The following NLRX1 variants were observed in gnomAD, a reference collection of about 807,000 sequenced individuals.
The protein encoded by NLRX1 is NLR family member X1.
NLRX1 carries 67 observed loss-of-function variants against 74.2 expected under a neutral mutation model. That is an observed-to-expected ratio of 0.90 (90% CI 0.74 to 1.11). The LOEUF is 1.11. NLRX1 is among the 50% of genes least tolerant of loss of function. NLRX1 has a pLI of 0.00. For synonymous variants in NLRX1, 506 were observed against 559.1 expected, an observed-to-expected ratio of 0.91 and a Z score of 1.34; for missense variants, 1,191 against 1,305.4, an observed-to-expected ratio of 0.91 and a Z score of 1.35.
chr11:119,180,970 G>A (rs1390311421), intron 7 of NLRX1, among the ~76,000 whole-genome samples: 1 of 152,132 alleles, frequency 6.6e-6, no homozygotes, highest in African/African-American at 2.4e-5. Context: ...GAGCCCAGGA[G>A]TCTGAGGCTG....
Position 119,180,129 on chromosome 11 carries a change from T to C in NLRX1, c.2108T>C (p.Leu703Pro), listed in dbSNP as rs752216780. The C allele has an allele frequency of 3.1e-6, 5 of 1,613,106 alleles. No homozygotes were observed. The Admixed American group carries it at 8.3e-5, about 27-fold the overall frequency. Residue 703 changes from leucine to proline, a missense_variant, in exon 7 of 10, where the codon CTG becomes CCG. Coordinates refer to ENST00000409109, the MANE Select transcript of NLRX1 (RefSeq NM_001282144.2). ...EVLSSLRQLN[L>P]AGVRMTPVKC... is the part of the protein sequence containing the mutation. The stretch of plus-strand genomic sequence containing the variant: ...CTCAGCTCCCTGCGTCAGCTCAACC[T>C]GGCAGGTGTGCGCATGACACCAGTC...
In NLRX1 at chr11:119,174,010, C is replaced by T. The variant is rs896014923; in HGVS notation, c.761C>T (p.Ala254Val). ...LEHLNLDFRL[A>V]GTGLCSDPEE... ...CATCTCAACCTCGACTTCCGGCTGGCAGGCACGGGACTTTGTAGTGACCCG... is the reference window on the plus strand; with the variant it reads ...CATCTCAACCTCGACTTCCGGCTGGTAGGCACGGGACTTTGTAGTGACCCG... Residue 254 changes from alanine (A) to valine (V), a missense_variant, in exon 5 of 10, where the codon GCA (alanine) becomes GTA (valine). By Grantham distance (64) the Ala-to-Val change is moderately conservative. Transcript: ENST00000409109. 6.2e-7 allele frequency: 1 copy of T among 1,614,196 alleles called. No individual in the cohort carries two copies. The highest frequency in any genetic ancestry group is 8.5e-7 in the Non-Finnish European group (1 of 1,180,038).
Position 119,175,134 on chromosome 11 carries a change from C to T in NLRX1, c.1531C>T (p.Arg511Cys), listed in dbSNP as rs200732107. ...LAALYIVLGL[R>C]KTTLQKVGKE... ...TGCCCTCTACATTGTGCTGGGTTTG[C>T]GCAAGACGACCCTGCAAAAGGTGGG... The change falls in exon 6 of 10, where the codon CGC (arginine) becomes TGC (cysteine). Residue 511 changes from arginine (R) to cysteine (C), a missense_variant. Arg to Cys is a radical substitution (Grantham distance 180). Transcript: ENST00000409109. 4.5e-5 allele frequency: 73 copies of T among 1,614,180 alleles called. No homozygotes were observed. Among genetic ancestry groups the T allele is most frequent in the South Asian group, 2.0e-4 (18 of 91,078 alleles).
At position 119,173,557 on chromosome 11, in the gene NLRX1, C is replaced by G. The variant is rs143397941; in HGVS notation, c.308C>G (p.Thr103Ser). ...AGGGAGGAGCGCCAGTTTGGCCCAA[C>G]CTTTGCCCTAGACACGGTCCACGTT... is the stretch of plus-strand genomic sequence containing the variant. The part of the protein sequence containing the change: ...LPREERQFGP[T>S]FALDTVHVDP... Residue 103 changes from threonine (T) to serine (S), a missense_variant, in exon 5 of 10, where the codon ACC (threonine) becomes AGC (serine). Coordinates refer to ENST00000409109, the MANE Select transcript of NLRX1 (RefSeq NM_001282144.2). This position sits in a 1 kb window ranked among gnomAD's most constrained non-coding sequence, Gnocchi z 4.0. The G allele has an allele frequency of 1.9e-5, 30 of 1,614,040 alleles. No individual in the cohort carries two copies. The African/African-American group carries it at 3.7e-4, about 20-fold the overall frequency.
chr11:119,169,506 C>T (rs1204313748), intron 1 of NLRX1, among the ~76,000 whole-genome samples: 1 of 152,240 alleles, frequency 6.6e-6, no homozygotes, highest in Non-Finnish European at 1.5e-5. Flanking sequence ...ACCCAGCCAG[C>T]TCCTCCGCTG....
Position 119,175,024 on chromosome 11 carries a change from T to G in NLRX1, c.1421T>G (p.Leu474Arg), listed in dbSNP as rs1374368508. 6.2e-7 allele frequency: 1 copy of G among 1,614,032 alleles called. No homozygotes were observed. Among genetic ancestry groups the G allele is most frequent in the Non-Finnish European group, 8.5e-7 (1 of 1,180,054 alleles). ...QLLHIFRRDA[L>R]RFFLAPCVEP... is the part of the protein sequence containing the mutation. Reference sequence around the variant, plus strand: ...CTGCACATCTTCCGTCGGGATGCCCTGAGGTTTTTCCTGGCCCCATGTGTG... The same window carrying G: ...CTGCACATCTTCCGTCGGGATGCCCGGAGGTTTTTCCTGGCCCCATGTGTG... Residue 474 changes from leucine to arginine, a missense_variant, in exon 6 of 10, where the codon CTG (leucine) becomes CGG (arginine). Coordinates refer to ENST00000409109, the MANE Select transcript of NLRX1 (RefSeq NM_001282144.2).
chr11:119,173,867 C>T lies in NLRX1; in HGVS notation c.618C>T (p.Gly206=). The T allele has an allele frequency of 6.2e-7, 1 of 1,613,512 alleles. No homozygotes were observed. The highest frequency in any genetic ancestry group is 8.5e-7 in the Non-Finnish European group (1 of 1,180,024). Residue 206 remains glycine, a synonymous_variant, in exon 5 of 10, where the codon GGC becomes GGT. Transcript: ENST00000409109. The surrounding 1 kb of genome is among the most constrained non-coding windows in gnomAD (Gnocchi z 4.0). Reference sequence around the variant, plus strand: ...CCTGTGAGGACCTGTCATCCCTGGGCCCTGCCCCAGCCTCCCTGTGCCAAC... The same window carrying T: ...CCTGTGAGGACCTGTCATCCCTGGGTCCTGCCCCAGCCTCCCTGTGCCAAC... ...PFSCEDLSSL[G]PAPASLCQLV...
chr11:119,177,317 G>A (rs1360725092), intron 6 of NLRX1, among the ~76,000 whole-genome samples: 3 of 150,700 alleles, frequency 2.0e-5, no homozygotes, highest in African/African-American at 7.3e-5. Context: ...CCTGACCTCA[G>A]GTGATCCACC....
rs754570039 is a variant in NLRX1 at position 119,174,800 on chromosome 11, C to A, written c.1197C>A (p.Thr399=). ...GGCAGACCCTTACAAGCATCTATAC[C>A]AGCTTCCTGCGCCTCAACTTCAGCG... ...PAGQTLTSIY[T]SFLRLNFSGE... The change falls in exon 6 of 10, where the codon ACC becomes ACA. Residue 399 remains threonine, a synonymous_variant. Transcript: ENST00000409109. The A allele has an allele frequency of 1.9e-6, 3 of 1,613,816 alleles. No individual in the cohort carries two copies. Among genetic ancestry groups the A allele is most frequent in the Middle Eastern group, 1.6e-4 (1 of 6,084 alleles).
At chr11:119,181,128 C>A in intron 7 of NLRX1, 43 bp from the exon 8 acceptor site, 2 of 1,408,556 alleles carry the variant, frequency 1.4e-6, no homozygotes, top group Non-Finnish European at 2.0e-6. Flanking sequence ...GCTGAATTCC[C>A]TCCCTGGTCT....
At chr11:119,171,552 G>A (rs1049592467) in intron 2 of NLRX1, 79 bp downstream of exon 2, 5 of 1,010,598 alleles carry the variant, frequency 4.9e-6, no homozygotes, top group Non-Finnish European at 7.7e-6. Context: ...AGACAGCAGG[G>A]ATCCAGACAC....
In NLRX1 at chr11:119,179,680, G is replaced by A. The variant is rs559548313; in HGVS notation, c.1672-13G>A. The A allele has an allele frequency of 6.3e-7, 1 of 1,585,492 alleles. No individual in the cohort carries two copies. The highest frequency in any genetic ancestry group is 8.6e-7 in the Non-Finnish European group (1 of 1,162,758). Reference sequence around the variant, plus strand: ...TGGAAGGCCACAGTGACTCTCCCCTGCTTCTTTTTCAGGTGGTTCCACGAG... The same window carrying A: ...TGGAAGGCCACAGTGACTCTCCCCTACTTCTTTTTCAGGTGGTTCCACGAG... On this transcript the variant is annotated splice_polypyrimidine_tract_variant and intron_variant, in intron 6 of 9. Transcript: ENST00000409109.
At chr11:119,174,350 A>G (rs556762527) in intron 5 of NLRX1, 103 bp from the exon 6 acceptor site, 88 of 1,222,334 alleles carry the variant, frequency 7.2e-5, no homozygotes, top group African/African-American at 4.4e-4. Context: ...ATCCTCATCA[A>G]TGTCTTCATC....
chr11:119,174,479 C>T lies in NLRX1; in HGVS notation c.876C>T (p.Pro292=). ...CCAGCATTCTGGTGACCACTCGGCCCTCTGCCATTGGCCGTATCCCCAGCA... is the reference window on the plus strand; with the variant it reads ...CCAGCATTCTGGTGACCACTCGGCCTTCTGCCATTGGCCGTATCCCCAGCA... ...PQASILVTTR[P]SAIGRIPSKY... The change falls in exon 6 of 10, where the codon CCC becomes CCT. Residue 292 remains proline (P), a synonymous_variant. Transcript: ENST00000409109. 1.2e-6 allele frequency: 2 copies of T among 1,614,110 alleles called. No individual in the cohort carries two copies. Among genetic ancestry groups the T allele is most frequent in the African/African-American group, 1.3e-5 (1 of 75,072 alleles).
intron 9 of NLRX1, 115 bp downstream of exon 9, chr11:119,182,460 TATTC>T (rs1948865365): frequency 7.0e-7 from 1 of 1,421,770 alleles, no homozygotes; most frequent in African/African-American, 1.4e-5. Flanking sequence ...GCCTGTCCTT[TATTC>T]CTGGTTTCTG....
At chr11:119,180,562 A>G (rs1948811079) in intron 7 of NLRX1, among the ~76,000 whole-genome samples, 2 of 152,082 alleles carry the variant, frequency 1.3e-5, no homozygotes, top group Non-Finnish European at 1.5e-5. Flanking sequence ...TTAGCCAGGC[A>G]TGGTGGTGCA....
At chr11:119,182,755 T>C (rs1948871526) in intron 9 of NLRX1, among the ~76,000 whole-genome samples, 1 of 151,760 alleles carries the variant, frequency 6.6e-6, no homozygotes, top group African/African-American at 2.4e-5. Flanking sequence ...GGTGTGGTGG[T>C]GCGCACCTGT....
intron 6 of NLRX1, 23 bp downstream of exon 6, chr11:119,175,297 C>A (rs769504996): frequency 2.3e-5 from 36 of 1,591,470 alleles, no homozygotes; most frequent in Non-Finnish European, 2.9e-5. Context: ...TCAAGGTAAC[C>A]CCCCAACCTG....
chr11:119,183,031 G>A lies in NLRX1; in HGVS notation c.2607-87G>A. 2 of 1,231,430 alleles carry A rather than the reference G, an allele frequency of 1.6e-6. No homozygotes were observed. The highest frequency in any genetic ancestry group is 2.3e-6 in the Non-Finnish European group (2 of 881,148). 76.3% of individuals were successfully genotyped at this position (1,231,430 alleles called of 1,614,324 possible). On this transcript the variant is annotated intron_variant, in intron 9 of 9. Transcript: ENST00000409109. The surrounding 1 kb of genome is among the most constrained non-coding windows in gnomAD (Gnocchi z 5.7). ...ACTCTGCAGCCAGGAGATGAGTTGT[G>A]AGGCCCCCTGACTTTCCATCCATCT...
Sources: allele counts gnomAD v4.1 joint callset (sites outside exome capture counted in the v4.1 genomes callset), GRCh38; gene constraint gnomAD v4.1.1; non-coding constraint Gnocchi (gnomAD v3.1); transcripts MANE v1.5; gene names NCBI Gene and HGNC (gene_info 2026-07-23, HGNC 2026-07-21).